SS18L2: variants seen among roughly 807,000 people sequenced by gnomAD.
SS18L2 encodes SS18-like protein 2.
A neutral mutation model predicts 10.3 loss-of-function variants in SS18L2; 8 were observed. That is an observed-to-expected ratio of 0.78 (90% confidence interval 0.46 to 1.41). The LOEUF (loss-of-function observed/expected upper bound fraction) is 1.41, where lower values mean the gene tolerates loss of function less well. Ranked by LOEUF, SS18L2 falls within the 40% of genes most tolerant of loss-of-function variation. The probability of loss-of-function intolerance (pLI) is 0.00; values close to 1 mark genes in which losing one functional copy is unlikely to be tolerated. For synonymous variants in SS18L2, 41 were observed against 34.6 expected (o/e 1.19, Z -0.65); for missense variants, 100 against 96.2 (o/e 1.04, Z -0.17).
intron 2 of SS18L2, among the ~76,000 whole-genome samples, chr3:42,592,031 G>A (rs887468173): frequency 6.6e-6 from 1 of 152,112 alleles, no homozygotes; most frequent in African/African-American, 2.4e-5. Flanking sequence ...CTTCCCGTCA[G>A]TCTGTTAGTG....
At position 42,596,468 on chromosome 3, in the gene SS18L2, C is replaced by T. The variant is rs1295411460; in HGVS notation, c.*1959C>T. Among the ~76,000 whole-genome samples the T allele has an allele frequency of 1.3e-5, 2 of 152,194 alleles. No homozygotes were observed. The highest frequency in any genetic ancestry group is 4.8e-5 in the African/African-American group (2 of 41,452). Reference sequence around the variant, plus strand: ...ACCCCAGAATCATTACCTGAAAATTCGTACTACCAGTGGTTCTTCTTCATG... The same window carrying T: ...ACCCCAGAATCATTACCTGAAAATTTGTACTACCAGTGGTTCTTCTTCATG... On this transcript the variant is annotated 3_prime_UTR_variant, in exon 3 of 3. Transcript: ENST00000011691.
chr3:42,586,229 TTTG>T (rs948353460), upstream of SS18L2, among the ~76,000 whole-genome samples: 1 of 152,112 alleles, frequency 6.6e-6, no homozygotes, highest in Admixed American at 6.5e-5. Flanking sequence ...TCCTTGTTCT[TTTG>T]TTGTTGTTGT....
rs369345463 is a variant in SS18L2 at position 42,595,340 on chromosome 3, C to T, written c.*831C>T. On this transcript the variant is annotated 3_prime_UTR_variant, in exon 3 of 3. Transcript: ENST00000011691. ...CTAGGTGTTTACCCTAGAATTCTCTCGTGTTCTACATACAGTTGTATCTCT... is the reference window on the plus strand; with the variant it reads ...CTAGGTGTTTACCCTAGAATTCTCTTGTGTTCTACATACAGTTGTATCTCT... Among the ~76,000 whole-genome samples the T allele has an allele frequency of 2.0e-3, 312 of 152,208 alleles. No homozygotes were observed. The highest frequency in any genetic ancestry group is 7.3e-3 in the African/African-American group (302 of 41,528).
At chr3:42,589,510 G>A (rs949066163), upstream of SS18L2, among the ~76,000 whole-genome samples, 3 of 152,144 alleles carry the variant, frequency 2.0e-5, no homozygotes, top group Admixed American at 6.5e-5. Context: ...ATCCACCACG[G>A]ATGGCTAGAA....
chr3:42,593,632 A>C (rs1164911647), intron 2 of SS18L2, among the ~76,000 whole-genome samples: 1 of 152,168 alleles, frequency 6.6e-6, no homozygotes, highest in Non-Finnish European at 1.5e-5. Context: ...GGAAATCCAT[A>C]GTAAAACAGA....
rs1705003748 is a variant in SS18L2 at position 42,595,550 on chromosome 3, T to C, written c.*1041T>C. ...GTTCCCAACCAGCCTTTCACTTAAA[T>C]TATGATCCACCCAGCTTTGATGTGG... On this transcript the variant is annotated 3_prime_UTR_variant, in exon 3 of 3. Transcript: ENST00000011691. Among the ~76,000 whole-genome samples the C allele has an allele frequency of 6.6e-6, 1 of 152,216 alleles. No homozygotes were observed. Among genetic ancestry groups the C allele is most frequent in the African/African-American group, 2.4e-5 (1 of 41,462 alleles).
Position 42,591,591 on chromosome 3 carries a change from G to A in SS18L2, c.136G>A (p.Glu46Lys). The change falls in exon 2 of 3, where the codon GAG becomes AAG. Residue 46 changes from glutamate (E) to lysine (K), a missense_variant. Glu to Lys is a moderately conservative substitution (Grantham distance 56). Coordinates refer to ENST00000011691, the MANE Select transcript of SS18L2 (RefSeq NM_001370300.1). ...VEYQNKGRGN[E>K]CVQYQHVLHR... ...GTATCAGAACAAGGGCCGCGGGAAC[G>A]AGTGCGTGCAGTAAGTACCCCCACC... is the stretch of plus-strand genomic sequence containing the variant. 6.2e-7 allele frequency: 1 copy of A among 1,613,184 alleles called. No homozygotes were observed. Among genetic ancestry groups the A allele is most frequent in the Non-Finnish European group, 8.5e-7 (1 of 1,179,136 alleles).
intron 1 of SS18L2, among the ~76,000 whole-genome samples, chr3:42,584,997 T>C (rs1388760524): frequency 6.6e-6 from 1 of 152,032 alleles, no homozygotes; most frequent in Non-Finnish European, 1.5e-5. Flanking sequence ...GGCGTGATGG[T>C]GGACATCTGT....
chr3:42,590,564 C>T (rs1257615143), upstream of SS18L2, among the ~76,000 whole-genome samples: 1 of 151,144 alleles, frequency 6.6e-6, no homozygotes. Context: ...CCAGCCTGGG[C>T]GACAGAGCGA....
chr3:42,588,142 G>T (rs926368115), upstream of SS18L2, among the ~76,000 whole-genome samples: 1 of 151,740 alleles, frequency 6.6e-6, no homozygotes, highest in Non-Finnish European at 1.5e-5. Flanking sequence ...GGTGGCTCAC[G>T]CCTGTAATCC....
At chr3:42,590,362 A>G (rs533999408), upstream of SS18L2, among the ~76,000 whole-genome samples, 1 of 152,270 alleles carries the variant, frequency 6.6e-6, no homozygotes, top group Non-Finnish European at 1.5e-5. Context: ...TCCTGCAGAT[A>G]GATTGAGTAT....
intron 1 of SS18L2, among the ~76,000 whole-genome samples, chr3:42,584,392 T>A (rs1464278690): frequency 1.3e-5 from 2 of 152,172 alleles, no homozygotes; most frequent in African/African-American, 4.8e-5. Context: ...GTAGCTGGGA[T>A]TACAAGCATC....
upstream of SS18L2, among the ~76,000 whole-genome samples, chr3:42,590,122 CCA>C (rs1704767413): frequency 6.6e-6 from 1 of 152,136 alleles, no homozygotes; most frequent in African/African-American, 2.4e-5. Context: ...TATTCCTGCC[CCA>C]AATAAGTCCA....
intron 1 of SS18L2, among the ~76,000 whole-genome samples, chr3:42,584,728 A>T (rs141974261): frequency 4.0e-4 from 61 of 152,318 alleles, no homozygotes; most frequent in Non-Finnish European, 3.1e-4. Context: ...CCCTCCCACA[A>T]TGAGTCTCTG....
rs1249378275 is a variant in SS18L2, at chr3:42,594,685, T to C, written c.*176T>C. On this transcript the variant is annotated 3_prime_UTR_variant, in exon 3 of 3. Transcript: ENST00000011691. The stretch of plus-strand genomic sequence containing the variant: ...ATGTGAAGAAAGCTACTAACTTAGC[T>C]GTATTCTCATGTAAATATTTTTTAA... 2.0e-6 allele frequency: 1 copy of C among 496,834 alleles called. No homozygotes were observed. The allele number at this position is 496,834 out of a possible 1,614,324, so 30.8% of individuals were successfully genotyped here. A position where few individuals can be genotyped will look rare whatever the true frequency, so the allele number is the denominator to read the frequency against.
rs757970825 is a variant in SS18L2 at position 42,591,601 on chromosome 3, A to T, written c.146A>T (p.Gln49Leu). 19 of 1,610,996 alleles carry T rather than the reference A, an allele frequency of 1.2e-5. No individual in the cohort carries two copies. The highest frequency in any genetic ancestry group is 1.7e-4 in the Middle Eastern group (1 of 6,054). The change falls in exon 2 of 3, where the codon CAG (glutamine) becomes CTG (leucine). Residue 49 changes from glutamine (Q) to leucine (L), a missense_variant and splice_region_variant. By Grantham distance (113) the Gln-to-Leu change is moderately radical. Coordinates refer to ENST00000011691, the MANE Select transcript of SS18L2 (RefSeq NM_001370300.1). ...QNKGRGNECVQYQHVLHRNLI... is the reference protein window; with the variant it reads ...QNKGRGNECVLYQHVLHRNLI... ...AAGGGCCGCGGGAACGAGTGCGTGC[A>T]GTAAGTACCCCCACCCCCGCGCCCC...
chr3:42,591,671 C>A, intron 2 of SS18L2, 70 bp downstream of exon 2: 2 of 1,054,688 alleles, frequency 1.9e-6, no homozygotes, highest in South Asian at 1.3e-5. Context: ...GGTGCTTTCT[C>A]GAACTAAGAG....
intron 2 of SS18L2, 23 bp from the exon 3 acceptor site, chr3:42,594,399 T>A (rs764540964): frequency 1.3e-6 from 2 of 1,596,012 alleles, no homozygotes; most frequent in Non-Finnish European, 1.7e-6. Flanking sequence ...GCCTCTGATT[T>A]TTGCCTGTTT....
chr3:42,588,898 C>A (rs1365827584), upstream of SS18L2, among the ~76,000 whole-genome samples: 1 of 152,074 alleles, frequency 6.6e-6, no homozygotes, highest in Admixed American at 6.6e-5. Context: ...GGCTTGGTAA[C>A]CAGGAAGCCC....
Sources: allele counts gnomAD v4.1 joint callset (sites outside exome capture counted in the v4.1 genomes callset), GRCh38; gene constraint gnomAD v4.1.1; transcripts MANE v1.5; gene names NCBI Gene and HGNC (gene_info 2026-07-23, HGNC 2026-07-21).